Variants in ITIH5 observed in about 807,000 individuals in gnomAD.
ITIH5 encodes the protein inter-alpha-trypsin inhibitor heavy chain 5, also known as inter-alpha-trypsin inhibitor heavy chain H5.
In ITIH5, 65 loss-of-function variants were observed where a neutral mutation model predicts 77.5. The ratio of observed to expected loss-of-function variants is 0.84; its 90% CI spans 0.69 to 1.03. The LOEUF is 1.03. Among genes scored for constraint, ITIH5 ranks in the 50% least tolerant of loss-of-function variants. The pLI is 0.00. For synonymous variants in ITIH5, 525 were observed against 494.3 expected, an observed-to-expected ratio of 1.06 and a Z score of -0.82; for missense variants, 1,208 against 1,213.1, an observed-to-expected ratio of 1.00 and a Z score of 0.06.
At chr10:7,578,505 G>T (rs1297792435) in intron 9 of ITIH5, 1 of 158,854 alleles carries the variant, frequency 6.3e-6, no homozygotes, top group Non-Finnish European at 1.5e-5. Flanking sequence ...TTTGACTCTA[G>T]TTTTGAATAA....
intron 2 of ITIH5, among the ~76,000 whole-genome samples, chr10:7,646,515 T>G (rs1189770104): frequency 6.6e-6 from 1 of 152,206 alleles, no homozygotes; most frequent in Non-Finnish European, 1.5e-5. Context: ...TCATGCTGCT[T>G]AACAAATCAC....
chr10:7,617,395 TTTCACA>T (rs1242690760), intron 5 of ITIH5, 113 bp from the exon 6 acceptor site: 3 of 669,866 alleles, frequency 4.5e-6, no homozygotes, highest in Non-Finnish European at 7.0e-6. Flanking sequence ...CAGGCTTGTA[TTTCACA>T]GGAACTTCTA....
intron 7 of ITIH5, among the ~76,000 whole-genome samples, chr10:7,591,721 T>G (rs1832797082): frequency 6.6e-6 from 1 of 152,124 alleles, no homozygotes; most frequent in African/African-American, 2.4e-5. Context: ...CTCCCAGCCC[T>G]GCCCACCATT....
chr10:7,577,506 G>A lies in ITIH5; in HGVS notation c.1419-494C>T, dbSNP rs147379451. ...GTAAATTTCCTTTGTGTACACTTAC[G>A]TTTCTTAAAGGGACTCTTAAAAACC... On this transcript the variant is annotated intron_variant, in intron 9 of 13. Coordinates refer to ENST00000397146, the MANE Select transcript of ITIH5 (RefSeq NM_030569.7). 2.0e-4 allele frequency among the ~76,000 whole-genome samples: 31 copies of A among 152,280 alleles called. No individual in the cohort carries two copies. In the East Asian group the frequency reaches 3.9e-3, roughly 19 times the overall value.
chr10:7,569,588 G>A (rs977268882), intron 12 of ITIH5, 80 bp downstream of exon 12: 5 of 871,392 alleles, frequency 5.7e-6, no homozygotes, highest in East Asian at 5.2e-5. Flanking sequence ...TGGATCACTG[G>A]ACATCCATCT....
intron 10 of ITIH5, 61 bp downstream of exon 10, chr10:7,576,392 G>A (rs1832414014): frequency 7.4e-7 from 1 of 1,346,078 alleles, no homozygotes; most frequent in Non-Finnish European, 9.9e-7. Context: ...TTCCTGTGGA[G>A]GAGGTGAGTG....
In ITIH5 at chr10:7,640,860, A is replaced by G. The variant is rs1833874646; in HGVS notation, c.300-5T>C. The G allele has an allele frequency of 6.3e-7, 1 of 1,590,294 alleles. No homozygotes were observed. Among genetic ancestry groups the G allele is most frequent in the Admixed American group, 1.7e-5 (1 of 59,936 alleles). ...TACACCTTGTCTCCAATAAGCCTGA[A>G]ATACAAGAGACAGTTGTGCTACCAG... On this transcript the variant is annotated splice_region_variant and splice_polypyrimidine_tract_variant and intron_variant, in intron 3 of 13. Coordinates refer to ENST00000397146, the MANE Select transcript of ITIH5 (RefSeq NM_030569.7).
At position 7,666,459 on chromosome 10, in the gene ITIH5, C is replaced by G. The variant is rs563976963; in HGVS notation, c.90+344G>C. ...ATGATGATAACAGCAGACTGCCCCC[C>G]ACGCGTGATAAGGAAAAAACCTTGT... On this transcript the variant is annotated intron_variant, in intron 1 of 13. Coordinates refer to ENST00000397146, the MANE Select transcript of ITIH5 (RefSeq NM_030569.7). 1.9e-3 allele frequency among the ~76,000 whole-genome samples: 290 copies of G among 152,206 alleles called. 1 individual carries two copies. The highest frequency in any genetic ancestry group is 6.4e-3 in the African/African-American group (265 of 41,492).
At position 7,655,202 on chromosome 10, in the gene ITIH5, G is replaced by A. The variant is rs138812026; in HGVS notation, c.135+429C>T. Among the ~76,000 whole-genome samples, 180 of 152,162 alleles carry A rather than the reference G, an allele frequency of 1.2e-3. 1 individual carries two copies. In the East Asian group the frequency reaches 0.019, roughly 16 times the overall value. The stretch of plus-strand genomic sequence containing the variant: ...CTTAGAGCTTCTGAACATTTGCCCC[G>A]GTCCCAATCTCTTAGCCTCCAGCAG... On this transcript the variant is annotated intron_variant, in intron 2 of 13. Coordinates refer to ENST00000397146, the MANE Select transcript of ITIH5 (RefSeq NM_030569.7).
At chr10:7,576,372 C>T in intron 10 of ITIH5, 81 bp downstream of exon 10, 1 of 1,237,248 alleles carries the variant, frequency 8.1e-7, no homozygotes. Flanking sequence ...ACACAGCTTC[C>T]TGCTGGGGCT....
intron 2 of ITIH5, among the ~76,000 whole-genome samples, chr10:7,644,597 TAC>T (rs1273801057): frequency 1.5e-4 from 17 of 115,306 alleles, no homozygotes; most frequent in South Asian, 5.8e-4. Flanking sequence ...ATATATATCA[TAC>T]ATATCACATA....
intron 7 of ITIH5, among the ~76,000 whole-genome samples, chr10:7,589,919 T>C (rs1412697290): frequency 6.6e-6 from 1 of 150,438 alleles, no homozygotes. Flanking sequence ...TTTGCTGTTG[T>C]CCCCCACCCC....
In ITIH5 at chr10:7,644,389, C is replaced by CAT. The variant is rs1329932116; in HGVS notation, c.136-2301_136-2300dup. 3.0e-3 allele frequency among the ~76,000 whole-genome samples: 354 copies of CAT among 118,638 alleles called. 12 individuals carry two copies. The highest frequency in any genetic ancestry group is 0.011 in the African/African-American group (330 of 29,564). 77.8% of individuals were successfully genotyped at this position (118,638 alleles called of 152,430 possible). On this transcript the variant is annotated intron_variant, in intron 2 of 13. Transcript: ENST00000397146. The stretch of plus-strand genomic sequence containing the variant: ...TATCACATATATATCACATATATCA[C>CAT]ATATATCACATATATCACATATATC...
intron 7 of ITIH5, among the ~76,000 whole-genome samples, chr10:7,587,444 G>A (rs867064854): frequency 1.3e-5 from 2 of 152,192 alleles, no homozygotes; most frequent in African/African-American, 4.8e-5. Flanking sequence ...GCACCTTTAC[G>A]AAGTTGAAGA....
At position 7,666,879 on chromosome 10, in the gene ITIH5, A is replaced by C; in HGVS notation, c.14T>G (p.Leu5Arg). 6.3e-7 allele frequency: 1 copy of C among 1,593,706 alleles called. No individual in the cohort carries two copies. The highest frequency in any genetic ancestry group is 8.5e-7 in the Non-Finnish European group (1 of 1,172,048). The change falls in exon 1 of 14, where the codon CTG (leucine) becomes CGG (arginine). Residue 5 changes from leucine to arginine, a missense_variant. Transcript: ENST00000397146. MLLL[L>R]GLCLGLSLCV... The stretch of plus-strand genomic sequence containing the variant: ...CAGGGACAGCCCCAGGCACAGCCCC[A>C]GCAGCAGGAGCATGGCGGGGCGAGG...
chr10:7,588,618 TGA>T (rs1316210091), intron 7 of ITIH5, among the ~76,000 whole-genome samples: 1 of 152,214 alleles, frequency 6.6e-6, no homozygotes, highest in Non-Finnish European at 1.5e-5. Flanking sequence ...TTTCTCCCCG[TGA>T]GTTTTTGCTA....
intron 1 of ITIH5, among the ~76,000 whole-genome samples, chr10:7,664,585 A>G (rs1427038426): frequency 6.6e-6 from 1 of 152,122 alleles, no homozygotes; most frequent in African/African-American, 2.4e-5. Flanking sequence ...GAGTCATTCC[A>G]CTATGGGTTA....
chr10:7,596,761 G>A (rs1317228391), intron 7 of ITIH5, among the ~76,000 whole-genome samples: 1 of 151,988 alleles, frequency 6.6e-6, no homozygotes, highest in East Asian at 1.9e-4. Flanking sequence ...TCCAGTAAAG[G>A]CCGGGTGCAG....
chr10:7,613,890 G>C (rs1048738595), intron 7 of ITIH5, among the ~76,000 whole-genome samples: 1 of 152,184 alleles, frequency 6.6e-6, no homozygotes, highest in Non-Finnish European at 1.5e-5. Context: ...CATTTGGGCT[G>C]CCCAAACACC....
Sources: allele counts gnomAD v4.1 joint callset (sites outside exome capture counted in the v4.1 genomes callset), GRCh38; gene constraint gnomAD v4.1.1; transcripts MANE v1.5; gene names NCBI Gene and HGNC (gene_info 2026-07-23, HGNC 2026-07-21).